C1QTNF2: variants seen among roughly 807,000 people sequenced by gnomAD.
C1QTNF2 encodes complement C1q tumor necrosis factor-related protein 2.
C1QTNF2 carries 15 observed loss-of-function variants against 17.4 expected under a neutral mutation model. The observed-to-expected ratio is 0.86, with a 90% CI of 0.58 to 1.33. The LOEUF is 1.33. C1QTNF2 is among the 40% of genes most tolerant of loss of function. The pLI is 0.00. For synonymous variants in C1QTNF2, 154 were observed against 163.3 expected (o/e 0.94, Z 0.44); for missense variants, 381 against 392.3 (o/e 0.97, Z 0.24).
At chr5:160,362,535 A>C (rs1030458837) in intron 1 of C1QTNF2, among the ~76,000 whole-genome samples, 1 of 152,110 alleles carries the variant, frequency 6.6e-6, no homozygotes, top group Non-Finnish European at 1.5e-5. Flanking sequence ...ATACTTTCAC[A>C]ATTTTCTGAC....
At chr5:160,350,613 G>C (rs1483699795) in intron 2 of C1QTNF2, among the ~76,000 whole-genome samples, 1 of 152,140 alleles carries the variant, frequency 6.6e-6, no homozygotes, top group Non-Finnish European at 1.5e-5. Flanking sequence ...GAGGTGACAG[G>C]ATCCCTTGAG....
At chr5:160,352,671 G>A (rs1220781654) in intron 2 of C1QTNF2, among the ~76,000 whole-genome samples, 1 of 152,224 alleles carries the variant, frequency 6.6e-6, no homozygotes, top group African/African-American at 2.4e-5. Context: ...TGGAGCACAT[G>A]TCCAGACCTG....
At chr5:160,355,157 A>C in intron 1 of C1QTNF2, 137 bp from the exon 2 acceptor site, 1 of 1,409,516 alleles carries the variant, frequency 7.1e-7, no homozygotes, top group Non-Finnish European at 9.3e-7. Context: ...CCTGCATCAC[A>C]TACAAGTAGA....
intron 1 of C1QTNF2, among the ~76,000 whole-genome samples, chr5:160,359,448 AT>A (rs568455961): frequency 1.3e-5 from 2 of 152,228 alleles, no homozygotes; most frequent in African/African-American, 4.8e-5. Context: ...CATTTCTTAT[AT>A]TTTTCCCCCT....
chr5:160,352,981 T>C (rs1433384938), intron 2 of C1QTNF2, among the ~76,000 whole-genome samples: 1 of 152,186 alleles, frequency 6.6e-6, no homozygotes, highest in African/African-American at 2.4e-5. Context: ...GTGAGACAGG[T>C]GCTATTATTA....
intron 2 of C1QTNF2, among the ~76,000 whole-genome samples, 171 bp downstream of exon 2, chr5:160,354,597 A>ATATATAT (rs769774870): frequency 3.7e-4 from 33 of 89,252 alleles, no homozygotes; most frequent in Middle Eastern, 5.3e-3. Context: ...AAAAAAAAAA[A>ATATATAT]GTATATATAT....
intron 1 of C1QTNF2, among the ~76,000 whole-genome samples, chr5:160,360,149 CTT>C (rs1448412996): frequency 2.0e-5 from 3 of 152,208 alleles, no homozygotes; most frequent in Admixed American, 6.5e-5. Flanking sequence ...TTTCCCAGCT[CTT>C]TGTTTCTTTT....
intron 2 of C1QTNF2, among the ~76,000 whole-genome samples, chr5:160,351,254 A>G (rs1455927064): frequency 6.6e-6 from 1 of 152,224 alleles, no homozygotes; most frequent in Non-Finnish European, 1.5e-5. Flanking sequence ...TACTGATTGC[A>G]TAAAATCAAT....
intron 1 of C1QTNF2, among the ~76,000 whole-genome samples, chr5:160,359,569 A>G (rs940343754): frequency 6.6e-6 from 1 of 152,244 alleles, no homozygotes; most frequent in Non-Finnish European, 1.5e-5. Context: ...TTACACACAC[A>G]GTACATGACT....
At chr5:160,357,806 GCCGGACGAGAGAGAGGGAGAGAGA>G (rs1764078388) in intron 1 of C1QTNF2, among the ~76,000 whole-genome samples, 1 of 151,430 alleles carries the variant, frequency 6.6e-6, no homozygotes, top group East Asian at 1.9e-4. Flanking sequence ...AAGAGAGCCA[GCCGGACGAGAGAGAGGGAGAGAGA>G]CTGGCAGAAA....
Position 160,355,073 on chromosome 5 carries a change from G to A in C1QTNF2, c.-9-53C>T, listed in dbSNP as rs1764022698. 1.8e-5 allele frequency: 27 copies of A among 1,480,124 alleles called. No homozygotes were observed. In the South Asian group the frequency reaches 3.7e-4, roughly 20 times the overall value. 91.7% of individuals were successfully genotyped at this position (1,480,124 alleles called of 1,614,324 possible). A position where few individuals can be genotyped will look rare whatever the true frequency, so the allele number is the denominator to read the frequency against. On this transcript the variant is annotated intron_variant, in intron 1 of 2. Coordinates refer to ENST00000652664, the MANE Select transcript of C1QTNF2 (RefSeq NM_031908.6). Reference sequence around the variant, plus strand: ...GTGAGTGTGGCCACCAAGCTGACCTGGGGCTGGTCAGAGGGGATGCACAGG... The same window carrying A: ...GTGAGTGTGGCCACCAAGCTGACCTAGGGCTGGTCAGAGGGGATGCACAGG...
chr5:160,354,570 C>T, intron 2 of C1QTNF2, among the ~76,000 whole-genome samples, 198 bp downstream of exon 2: 1 of 122,456 alleles, frequency 8.2e-6, no homozygotes, highest in African/African-American at 3.3e-5. Context: ...CAGAGCAAGC[C>T]TCTGTCTCAA....
chr5:160,368,927 C>T (rs973673823), intron 1 of C1QTNF2, among the ~76,000 whole-genome samples: 8 of 152,134 alleles, frequency 5.3e-5, no homozygotes, highest in African/African-American at 1.9e-4. Context: ...TTCATCCATA[C>T]AATGACACAC....
At chr5:160,352,191 G>A (rs920332958) in intron 2 of C1QTNF2, among the ~76,000 whole-genome samples, 1 of 152,200 alleles carries the variant, frequency 6.6e-6, no homozygotes, top group Non-Finnish European at 1.5e-5. Context: ...TTACAGGCAT[G>A]AGCCACCACG....
At chr5:160,353,903 A>G (rs1437455506) in intron 2 of C1QTNF2, among the ~76,000 whole-genome samples, 1 of 147,356 alleles carries the variant, frequency 6.8e-6, no homozygotes, top group African/African-American at 2.5e-5. Flanking sequence ...TCCTGGGTTC[A>G]AGCAATTCTC....
intron 2 of C1QTNF2, among the ~76,000 whole-genome samples, chr5:160,352,225 G>C (rs1244829357): frequency 6.6e-6 from 1 of 152,188 alleles, no homozygotes; most frequent in African/African-American, 2.4e-5. Flanking sequence ...ATTTTGACTT[G>C]GGGTTTTTGG....
At chr5:160,357,458 A>T (rs916070429) in intron 1 of C1QTNF2, among the ~76,000 whole-genome samples, 125 of 152,354 alleles carry the variant, frequency 8.2e-4, no homozygotes, top group African/African-American at 2.8e-3. Flanking sequence ...TGTTACATGA[A>T]TGACAGGTGC....
intron 2 of C1QTNF2, among the ~76,000 whole-genome samples, chr5:160,351,989 T>C (rs1763934115): frequency 6.6e-6 from 1 of 151,804 alleles, no homozygotes; most frequent in Non-Finnish European, 1.5e-5. Flanking sequence ...TAGCTCACTG[T>C]AACCTCAAAC....
intron 1 of C1QTNF2, 30 bp downstream of exon 1, chr5:160,370,482 C>T: frequency 7.1e-7 from 1 of 1,412,802 alleles, no homozygotes. Flanking sequence ...CACTTGCCGC[C>T]CCCGCCCGAC....
Sources: gnomAD v4.1 joint callset for allele counts (sites outside exome capture counted in the v4.1 genomes callset) on GRCh38, gnomAD v4.1.1 for gene constraint, MANE v1.5 for transcripts, NCBI Gene and HGNC (gene_info 2026-07-23, HGNC 2026-07-21) for gene names.